The following INPP5A variants were observed in gnomAD, a reference collection of about 807,000 sequenced individuals.
INPP5A encodes inositol polyphosphate-5-phosphatase A.
A neutral mutation model predicts 65.2 loss-of-function variants in INPP5A; 14 were observed. The ratio of observed to expected loss-of-function variants is 0.21; its 90% CI spans 0.14 to 0.34. INPP5A has a LOEUF of 0.34. Ranked by LOEUF, INPP5A falls within the 10% of genes least tolerant of loss-of-function variation. The probability of loss-of-function intolerance (pLI) is 1.00; values close to 1 mark genes in which losing one functional copy is unlikely to be tolerated. For missense variants in INPP5A, 431 were observed against 545.6 expected, an observed-to-expected ratio of 0.79 and a Z score of 2.09; for synonymous variants, 207 against 208.3, an observed-to-expected ratio of 0.99 and a Z score of 0.05.
At chr10:132,628,467 G>A (rs1192896498) in intron 2 of INPP5A, among the ~76,000 whole-genome samples, 5 of 143,470 alleles carry the variant, frequency 3.5e-5, no homozygotes, top group African/African-American at 7.7e-5. Context: ...TGGTGGCGGG[G>A]GGGGGGGGGG....
rs2070973125 is a variant in INPP5A, at chr10:132,546,479, G to A, written c.75+8308G>A. Among the ~76,000 whole-genome samples the A allele has an allele frequency of 1.3e-5, 2 of 152,148 alleles. No individual in the cohort carries two copies. Among genetic ancestry groups the A allele is most frequent in the Admixed American group, 1.3e-4 (2 of 15,278 alleles). ...TTCTTGATCCTTCTCTCCGACAGGA[G>A]TGTGAGACTCCTCTTCAGGGGTTGC... On this transcript the variant is annotated intron_variant, in intron 1 of 15. Coordinates refer to ENST00000368594, the MANE Select transcript of INPP5A (RefSeq NM_005539.5). This position sits in a 1 kb window ranked among gnomAD's most constrained non-coding sequence, Gnocchi z 5.7.
intron 6 of INPP5A, among the ~76,000 whole-genome samples, chr10:132,699,064 C>T (rs1453159622): frequency 5.9e-5 from 9 of 152,220 alleles, no homozygotes; most frequent in East Asian, 3.9e-4. Flanking sequence ...CCCTCCGCTC[C>T]GGATGTCCAG....
At chr10:132,566,800 T>A (rs1362597756) in intron 1 of INPP5A, among the ~76,000 whole-genome samples, 1 of 152,194 alleles carries the variant, frequency 6.6e-6, no homozygotes, top group Non-Finnish European at 1.5e-5. Flanking sequence ...CACAGTTGTG[T>A]AATATACTTT....
chr10:132,643,049 A>G (rs1174564243), intron 2 of INPP5A, among the ~76,000 whole-genome samples: 3 of 152,212 alleles, frequency 2.0e-5, no homozygotes, highest in African/African-American at 7.2e-5. Flanking sequence ...TCAGTTGTTT[A>G]TTTAAACTTA....
chr10:132,775,144 G>C (rs71503760), intron 12 of INPP5A, among the ~76,000 whole-genome samples: 15 of 18,032 alleles, frequency 8.3e-4, no homozygotes, highest in South Asian at 2.0e-3. Flanking sequence ...GGAGGAGAGA[G>C]GGGCAGGGAG....
chr10:132,769,857 C>T (rs1399100910), intron 12 of INPP5A, among the ~76,000 whole-genome samples: 3 of 145,574 alleles, frequency 2.1e-5, no homozygotes, highest in African/African-American at 7.6e-5. Context: ...GCTCAGGTGG[C>T]GGCGATTTGG....
Position 132,698,614 on chromosome 10 carries a change from G to A in INPP5A, c.474+695G>A, listed in dbSNP as rs1845384206. ...CTGGCTGTGTAGTTAACCTGTCGAGGCAGCGTTTGCTGCTTTGCCCTTCCT... is the reference window on the plus strand; with the variant it reads ...CTGGCTGTGTAGTTAACCTGTCGAGACAGCGTTTGCTGCTTTGCCCTTCCT... On this transcript the variant is annotated intron_variant, in intron 6 of 15. Transcript: ENST00000368594. The surrounding 1 kb of genome is among the most constrained non-coding windows in gnomAD (Gnocchi z 5.5). 6.6e-6 allele frequency among the ~76,000 whole-genome samples: 1 copy of A among 152,218 alleles called. No individual in the cohort carries two copies. Among genetic ancestry groups the A allele is most frequent in the Admixed American group, 6.5e-5 (1 of 15,286 alleles).
In INPP5A at chr10:132,603,161, A is replaced by G. The variant is rs1417768133; in HGVS notation, c.76-4754A>G. 6.6e-6 allele frequency among the ~76,000 whole-genome samples: 1 copy of G among 152,120 alleles called. No homozygotes were observed. The highest frequency in any genetic ancestry group is 1.5e-5 in the Non-Finnish European group (1 of 68,026). ...GACGTCTCTGCCTTCCGAAGCTACAAAGGGGAAGAGTTGGGCCTTCTGGGC... is the reference window on the plus strand; with the variant it reads ...GACGTCTCTGCCTTCCGAAGCTACAGAGGGGAAGAGTTGGGCCTTCTGGGC... On this transcript the variant is annotated intron_variant, in intron 1 of 15. Coordinates refer to ENST00000368594, the MANE Select transcript of INPP5A (RefSeq NM_005539.5). The surrounding 1 kb of genome is among the most constrained non-coding windows in gnomAD (Gnocchi z 4.2).
chr10:132,578,015 G>A (rs1027927624), intron 1 of INPP5A, among the ~76,000 whole-genome samples: 1 of 152,238 alleles, frequency 6.6e-6, no homozygotes, highest in African/African-American at 2.4e-5. Context: ...TTTGCTAAAT[G>A]TCAGCAATTT....
In INPP5A at chr10:132,645,965, T is replaced by A; in HGVS notation, c.215T>A (p.Val72Asp). 2 of 1,610,946 alleles carry A rather than the reference T, an allele frequency of 1.2e-6. No homozygotes were observed. The highest frequency in any genetic ancestry group is 1.7e-6 in the Non-Finnish European group (2 of 1,177,364). ...TCCATGTCCCACGTGGACAAGTTCG[T>A]CAAGTAAGTCTAGGGGCAGGTGCTG... ...EASMSHVDKF[V>D]KELLSSDAMK... The change falls in exon 3 of 16, where the codon GTC becomes GAC. Residue 72 changes from valine to aspartate, a missense_variant. Val to Asp is a radical substitution (Grantham distance 152). Transcript: ENST00000368594.
At chr10:132,646,807 G>C (rs1410980861) in intron 3 of INPP5A, among the ~76,000 whole-genome samples, 1 of 152,188 alleles carries the variant, frequency 6.6e-6, no homozygotes, top group Non-Finnish European at 1.5e-5. Flanking sequence ...CGACGCCGCT[G>C]CCACACACTG....
intron 1 of INPP5A, among the ~76,000 whole-genome samples, chr10:132,544,466 C>T (rs966661206): frequency 6.6e-6 from 1 of 151,996 alleles, no homozygotes; most frequent in African/African-American, 2.4e-5. Context: ...CTGTCTCTGA[C>T]CCAAGATCTC....
chr10:132,779,799 G>A (rs529626494), intron 13 of INPP5A, among the ~76,000 whole-genome samples: 23 of 152,326 alleles, frequency 1.5e-4, no homozygotes, highest in Admixed American at 1.4e-3. Flanking sequence ...ACCAAGCTCC[G>A]TTCTGCCTCC....
intron 1 of INPP5A, among the ~76,000 whole-genome samples, chr10:132,562,151 C>T (rs914090791): frequency 6.6e-6 from 1 of 152,278 alleles, no homozygotes; most frequent in African/African-American, 2.4e-5. Flanking sequence ...GTGAGGCTCA[C>T]CTGCGGCTTC....
intron 2 of INPP5A, among the ~76,000 whole-genome samples, chr10:132,639,617 C>A (rs534157170): frequency 1.6e-4 from 25 of 152,288 alleles, no homozygotes; most frequent in Admixed American, 1.5e-3. Context: ...AAATGTATGT[C>A]TTTCACTAAA....
rs950288534 is a variant in INPP5A, at chr10:132,678,583, C to T, written c.307-11809C>T. ...CCTGAGCTGCTGCTGCTCAGCCGGG[C>T]GCCCAGAGGGTGTGGTGCCTCTCTC... On this transcript the variant is annotated intron_variant, in intron 4 of 15. Coordinates refer to ENST00000368594, the MANE Select transcript of INPP5A (RefSeq NM_005539.5). The surrounding 1 kb of genome is among the most constrained non-coding windows in gnomAD (Gnocchi z 4.1). Among the ~76,000 whole-genome samples, 17 of 152,234 alleles carry T rather than the reference C, an allele frequency of 1.1e-4. No individual in the cohort carries two copies. Among genetic ancestry groups the T allele is most frequent in the Non-Finnish European group, 1.6e-4 (11 of 68,006 alleles).
intron 1 of INPP5A, among the ~76,000 whole-genome samples, chr10:132,564,993 C>A (rs2071255356): frequency 6.6e-6 from 1 of 152,234 alleles, no homozygotes; most frequent in Non-Finnish European, 1.5e-5. Flanking sequence ...ACCAACAAGC[C>A]ATTCACAGCG....
intron 1 of INPP5A, among the ~76,000 whole-genome samples, chr10:132,589,862 TC>T (rs1254740200): frequency 3.9e-5 from 6 of 152,028 alleles, no homozygotes; most frequent in Admixed American, 3.9e-4. Flanking sequence ...ACGCAGGTTA[TC>T]CCATGCCAGG....
chr10:132,757,830 A>C (rs574457296), intron 11 of INPP5A, among the ~76,000 whole-genome samples: 1 of 146,574 alleles, frequency 6.8e-6, no homozygotes, highest in African/African-American at 2.6e-5. Flanking sequence ...CCCACAGGCC[A>C]GTGCGATGTC....
Sources: allele counts gnomAD v4.1 joint callset (sites outside exome capture counted in the v4.1 genomes callset), GRCh38; gene constraint gnomAD v4.1.1; non-coding constraint Gnocchi (gnomAD v3.1); transcripts MANE v1.5; gene names NCBI Gene and HGNC (gene_info 2026-07-23, HGNC 2026-07-21).